The following TET2 variants were observed in gnomAD, a reference collection of about 807,000 sequenced individuals.
TET2 encodes the protein tet methylcytosine dioxygenase 2, also known as methylcytosine dioxygenase TET2.
In TET2, 299 loss-of-function variants were observed where a neutral mutation model predicts 142.9. The observed-to-expected ratio is 2.09, with a 90% CI of 1.90 to 2.30. The LOEUF is 2.30. Among genes scored for constraint, TET2 ranks in the 30% most tolerant of loss-of-function variants. TET2 has a pLI of 0.00. For synonymous variants in TET2, 819 were observed against 849.0 expected (o/e 0.96, Z 0.61); for missense variants, 2,418 against 2,378.0 (o/e 1.02, Z -0.35).
chr4:105,257,539 A>G (rs941023992), intron 6 of TET2, among the ~76,000 whole-genome samples: 1 of 152,118 alleles, frequency 6.6e-6, no homozygotes, highest in African/African-American at 2.4e-5. Flanking sequence ...TGGGGCATGC[A>G]TTCAACACTC....
rs140756345 is a variant in TET2, at chr4:105,273,886, C to G, written c.4537+968C>G. 6.6e-3 allele frequency among the ~76,000 whole-genome samples: 1,007 copies of G among 152,170 alleles called. 5 individuals carry two copies. Among genetic ancestry groups the G allele is most frequent in the Non-Finnish European group, 0.011 (745 of 68,002 alleles). On this transcript the variant is annotated intron_variant, in intron 10 of 10. Transcript: ENST00000380013. ...CTAAGTTATTGTCTTTCCATAGCCT[C>G]CTGCTTTATGTCTGCAGTTTGTAAA... is the stretch of plus-strand genomic sequence containing the variant.
chr4:105,193,704 A>G (rs1218255043), intron 2 of TET2, among the ~76,000 whole-genome samples: 1 of 152,186 alleles, frequency 6.6e-6, no homozygotes, highest in African/African-American at 2.4e-5. Flanking sequence ...ATGATTAATT[A>G]CGTGTTGGTA....
In TET2 at chr4:105,275,158, C is replaced by T. The variant is rs1453221603; in HGVS notation, c.4648C>T (p.His1550Tyr). The stretch of plus-strand genomic sequence containing the variant: ...GCAGAGACCCCAGCAGCAGCAGCCA[C>T]ATCACCCTCAGACAGAGTCTGTCAA... ...QQQRPQQQQPHHPQTESVNSY... is the reference protein window; with the variant it reads ...QQQRPQQQQPYHPQTESVNSY... The change falls in exon 11 of 11, where the codon CAT (histidine) becomes TAT (tyrosine). Residue 1550 changes from histidine to tyrosine, a missense_variant. His to Tyr is a moderately conservative substitution (Grantham distance 83). Transcript: ENST00000380013. The T allele has an allele frequency of 1.9e-6, 3 of 1,552,220 alleles. No individual in the cohort carries two copies. Among genetic ancestry groups the T allele is most frequent in the Non-Finnish European group, 2.6e-6 (3 of 1,147,086 alleles).
chr4:105,275,242 C>T lies in TET2; in HGVS notation c.4732C>T (p.Pro1578Ser), dbSNP rs1018331813. The change falls in exon 11 of 11, where the codon CCT becomes TCT. Residue 1578 changes from proline to serine, a missense_variant. By Grantham distance (74) the Pro-to-Ser change is moderately conservative. Coordinates refer to ENST00000380013, the MANE Select transcript of TET2 (RefSeq NM_001127208.3). ...PYMRRPNPVS[P>S]YPNSSHTSDI... is the part of the protein sequence containing the mutation. ...CATGAGACGGCCCAATCCAGTTAGT[C>T]CTTATCCAAACTCTTCACACACTTC... The T allele has an allele frequency of 6.4e-7, 1 of 1,552,304 alleles. No homozygotes were observed. Among genetic ancestry groups the T allele is most frequent in the Non-Finnish European group, 8.7e-7 (1 of 1,147,114 alleles).
At chr4:105,179,839 C>T (rs986587635) in intron 1 of TET2, among the ~76,000 whole-genome samples, 1 of 152,188 alleles carries the variant, frequency 6.6e-6, no homozygotes, top group African/African-American at 2.4e-5. Flanking sequence ...TCCTCTAAAG[C>T]AGCTGCATTC....
intron 8 of TET2, among the ~76,000 whole-genome samples, chr4:105,265,431 G>A (rs749101187): frequency 5.9e-5 from 9 of 152,296 alleles, no homozygotes; most frequent in African/African-American, 1.9e-4. Flanking sequence ...ACAAAATCCT[G>A]CATGGTATTT....
chr4:105,260,637 T>C (rs548608280), intron 7 of TET2, among the ~76,000 whole-genome samples: 22 of 152,310 alleles, frequency 1.4e-4, no homozygotes, highest in Non-Finnish European at 3.2e-4. Flanking sequence ...ATAGATATTA[T>C]AACATTGATG....
intron 1 of TET2, among the ~76,000 whole-genome samples, chr4:105,183,818 T>A (rs1453740594): frequency 6.6e-6 from 1 of 152,040 alleles, no homozygotes; most frequent in Non-Finnish European, 1.5e-5. Flanking sequence ...AAAAAGAAAA[T>A]GACTATTAAA....
intron 1 of TET2, among the ~76,000 whole-genome samples, chr4:105,165,643 T>C (rs1175458857): frequency 1.3e-5 from 2 of 152,208 alleles, no homozygotes; most frequent in Non-Finnish European, 2.9e-5. Context: ...AGCAAATGAA[T>C]AGCAGACCCT....
At chr4:105,197,732 C>CA (rs376421663) in intron 2 of TET2, among the ~76,000 whole-genome samples, 7 of 152,246 alleles carry the variant, frequency 4.6e-5, no homozygotes, top group African/African-American at 1.7e-4. Flanking sequence ...AATATTTAGG[C>CA]ATTTCAAGTG....
At chr4:105,146,637 G>T, upstream of TET2, 1 of 153,408 alleles carries the variant, frequency 6.5e-6, no homozygotes, top group South Asian at 2.0e-4. Flanking sequence ...GAGGAGGCCG[G>T]GGCGGAGCAG....
At chr4:105,148,010 TTCTC>T (rs1560705033) in intron 1 of TET2, among the ~76,000 whole-genome samples, 3 of 151,878 alleles carry the variant, frequency 2.0e-5, no homozygotes, top group Non-Finnish European at 4.4e-5. Flanking sequence ...CTCTCTGCCT[TTCTC>T]TCTGTGTCTC....
chr4:105,272,253 G>A (rs1212970562), intron 9 of TET2, among the ~76,000 whole-genome samples: 1 of 152,158 alleles, frequency 6.6e-6, no homozygotes, highest in African/African-American at 2.4e-5. Flanking sequence ...GCTTCATTTT[G>A]GGGGAGTGTT....
At chr4:105,208,153 T>A (rs1216940772) in intron 2 of TET2, among the ~76,000 whole-genome samples, 1 of 152,168 alleles carries the variant, frequency 6.6e-6, no homozygotes, top group African/African-American at 2.4e-5. Flanking sequence ...TTCCTGGCCA[T>A]CTCTTGGGTC....
Position 105,275,349 on chromosome 4 carries a change from T to G in TET2, c.4839T>G (p.Asn1613Lys). ...QAAGSYLNSS[N>K]PMNPYPGLLN... is the part of the protein sequence containing the mutation. ...CAGGTTCATATTTGAATTCTTCTAA[T>G]CCCATGAACCCTTACCCTGGGCTTT... The change falls in exon 11 of 11, where the codon AAT (asparagine) becomes AAG (lysine). Residue 1613 changes from asparagine (N) to lysine (K), a missense_variant. Asn to Lys is a moderately conservative substitution (Grantham distance 94). Coordinates refer to ENST00000380013, the MANE Select transcript of TET2 (RefSeq NM_001127208.3). 1 of 1,551,764 alleles carries G rather than the reference T, an allele frequency of 6.4e-7. No individual in the cohort carries two copies.
At chr4:105,158,952 C>G (rs1723698833) in intron 1 of TET2, among the ~76,000 whole-genome samples, 1 of 152,142 alleles carries the variant, frequency 6.6e-6, no homozygotes, top group African/African-American at 2.4e-5. Flanking sequence ...TCCAGTTACA[C>G]GCGGTCACAT....
intron 2 of TET2, among the ~76,000 whole-genome samples, chr4:105,216,274 T>C (rs1727486726): frequency 6.6e-6 from 1 of 152,126 alleles, no homozygotes; most frequent in Admixed American, 6.6e-5. Context: ...TAGTACTTCT[T>C]TGAAACAGGT....
intron 1 of TET2, among the ~76,000 whole-genome samples, chr4:105,166,059 A>G (rs1724133607): frequency 6.6e-6 from 1 of 152,126 alleles, no homozygotes; most frequent in Admixed American, 6.5e-5. Flanking sequence ...GTTTGCATCT[A>G]TAGTTAATTC....
At chr4:105,226,751 A>G (rs79553225) in intron 2 of TET2, among the ~76,000 whole-genome samples, 13 of 152,154 alleles carry the variant, frequency 8.5e-5, no homozygotes, top group Admixed American at 2.0e-4. Context: ...CCCAAAGCAG[A>G]TGCCAGTGCT....
Sources: allele counts gnomAD v4.1 joint callset (sites outside exome capture counted in the v4.1 genomes callset), GRCh38; gene constraint gnomAD v4.1.1; transcripts MANE v1.5; gene names NCBI Gene and HGNC (gene_info 2026-07-23, HGNC 2026-07-21).